The following PRKCZ variants were observed in gnomAD, a reference collection of about 807,000 sequenced individuals.
The protein encoded by PRKCZ is protein kinase C zeta type.
In PRKCZ, 33 loss-of-function variants were observed where a neutral mutation model predicts 79.5. The ratio of observed to expected loss-of-function variants is 0.41; its 90% CI spans 0.31 to 0.55. The LOEUF (loss-of-function observed/expected upper bound fraction) is 0.55. Ranked by LOEUF, PRKCZ falls within the 20% of genes least tolerant of loss-of-function variation. PRKCZ has a pLI of 0.19. For missense variants in PRKCZ, 578 were observed against 813.5 expected (o/e 0.71, Z 3.52); for synonymous variants, 342 against 320.9 (o/e 1.07, Z -0.70).
intron 6 of PRKCZ, among the ~76,000 whole-genome samples, 162 bp from the exon 7 acceptor site, chr1:2,145,865 G>A (rs1017229864): frequency 2.0e-5 from 3 of 152,222 alleles, no homozygotes; most frequent in Admixed American, 6.5e-5. Flanking sequence ...GCAGTGAGCC[G>A]TGATCGCGCC....
Position 2,173,953 on chromosome 1 carries a change from C to T in PRKCZ, c.1342C>T (p.Arg448Cys), listed in dbSNP as rs1011618567. Reference sequence around the variant, plus strand: ...CCTCATGTTTGAGATGATGGCCGGGCGCTCCCCGTTCGACATCATCACCGA... The same window carrying T: ...CCTCATGTTTGAGATGATGGCCGGGTGCTCCCCGTTCGACATCATCACCGA... ...GVLMFEMMAG[R>C]SPFDIITDNP... The change falls in exon 14 of 18, where the codon CGC becomes TGC. Residue 448 changes from arginine (R) to cysteine (C), a missense_variant. Physicochemically the swap from Arg to Cys is radical, Grantham distance 180. This residue lies in a region of PRKCZ where 243 missense variants were observed against 467.0 expected (regional missense o/e 0.52). Transcript: ENST00000378567. This position sits in a 1 kb window ranked among gnomAD's most constrained non-coding sequence, Gnocchi z 5.7. The T allele has an allele frequency of 8.1e-6, 13 of 1,612,582 alleles. No homozygotes were observed. The highest frequency in any genetic ancestry group is 1.1e-5 in the South Asian group (1 of 90,714).
chr1:2,097,405 C>G (rs551724230), intron 4 of PRKCZ, among the ~76,000 whole-genome samples: 1 of 152,304 alleles, frequency 6.6e-6, no homozygotes, highest in Admixed American at 6.5e-5. Context: ...GGAGGTGTGG[C>G]CAGTGCCCCC....
At chr1:2,160,616 G>A (rs1240979710) in intron 10 of PRKCZ, among the ~76,000 whole-genome samples, 1 of 152,176 alleles carries the variant, frequency 6.6e-6, no homozygotes, top group Admixed American at 6.5e-5. Flanking sequence ...TGCTGGTGTT[G>A]GGCAGGCACT....
At position 2,180,261 on chromosome 1, in the gene PRKCZ, G is replaced by A. The variant is rs576972041; in HGVS notation, c.1576-4322G>A. 2.6e-5 allele frequency among the ~76,000 whole-genome samples: 4 copies of A among 152,306 alleles called. No individual in the cohort carries two copies. In the South Asian group the frequency reaches 6.2e-4, roughly 24 times the overall value. ...TGGAGCCTTGAGTGGGTGGATCCTCGGTGGGGCTTTAAGGCCAACCTGTTT... is the reference window on the plus strand; with the variant it reads ...TGGAGCCTTGAGTGGGTGGATCCTCAGTGGGGCTTTAAGGCCAACCTGTTT... On this transcript the variant is annotated intron_variant, in intron 16 of 17. Transcript: ENST00000378567.
At chr1:2,099,961 G>A (rs1266183933) in intron 4 of PRKCZ, among the ~76,000 whole-genome samples, 1 of 152,228 alleles carries the variant, frequency 6.6e-6, no homozygotes, top group East Asian at 1.9e-4. Flanking sequence ...GTGATGAGCT[G>A]CGTCTGTTAG....
At chr1:2,146,523 C>CA (rs764514021) in intron 7 of PRKCZ, among the ~76,000 whole-genome samples, 4 of 152,248 alleles carry the variant, frequency 2.6e-5, no homozygotes, top group Non-Finnish European at 5.9e-5. Flanking sequence ...CTGCTGCACA[C>CA]ACAGCGTGGC....
intron 4 of PRKCZ, among the ~76,000 whole-genome samples, chr1:2,101,412 T>G (rs541527800): frequency 2.1e-4 from 32 of 152,334 alleles, no homozygotes; most frequent in Non-Finnish European, 4.0e-4. Context: ...CTTCCTTTCT[T>G]TCCCTTGACT....
At position 2,125,024 on chromosome 1, in the gene PRKCZ, A is replaced by T. The variant is rs542289557; in HGVS notation, c.335-10238A>T. On this transcript the variant is annotated intron_variant, in intron 4 of 17. Transcript: ENST00000378567. This position sits in a 1 kb window ranked among gnomAD's most constrained non-coding sequence, Gnocchi z 4.2. The stretch of plus-strand genomic sequence containing the variant: ...TTGTGACTCAGCCGCACGTCCTCCC[A>T]GGGGCCTTGCCAGCCTGGCTCTGTG... Among the ~76,000 whole-genome samples, 20 of 152,262 alleles carry T rather than the reference A, an allele frequency of 1.3e-4. No individual in the cohort carries two copies. The highest frequency in any genetic ancestry group is 2.9e-4 in the Non-Finnish European group (20 of 68,022).
intron 9 of PRKCZ, among the ~76,000 whole-genome samples, chr1:2,152,418 A>C (rs780156869): frequency 2.6e-5 from 4 of 152,126 alleles, no homozygotes; most frequent in Non-Finnish European, 4.4e-5. Context: ...CTCTAATCCC[A>C]GCTACTCAGA....
rs960796071 is a variant in PRKCZ at position 2,082,497 on chromosome 1, G to A, written c.334+22906G>A. On this transcript the variant is annotated intron_variant, in intron 4 of 17. Coordinates refer to ENST00000378567, the MANE Select transcript of PRKCZ (RefSeq NM_002744.6). The surrounding 1 kb of genome is among the most constrained non-coding windows in gnomAD (Gnocchi z 4.4). Reference sequence around the variant, plus strand: ...ATCACGTCCGCGTTCCTAGCGACCGGTTTTGTGATGTGGGCAGTGCCGTGC... The same window carrying A: ...ATCACGTCCGCGTTCCTAGCGACCGATTTTGTGATGTGGGCAGTGCCGTGC... 4 of 443,304 alleles carry A rather than the reference G, an allele frequency of 9.0e-6. No homozygotes were observed. Among genetic ancestry groups the A allele is most frequent in the African/African-American group, 4.0e-5 (2 of 49,820 alleles). 27.5% of individuals were successfully genotyped at this position (443,304 alleles called of 1,614,324 possible).
Position 2,174,994 on chromosome 1 carries a change from C to T in PRKCZ, c.1485+161C>T, listed in dbSNP as rs45520343. Among the ~76,000 whole-genome samples, 332 of 152,214 alleles carry T rather than the reference C, an allele frequency of 2.2e-3. 3 individuals carry two copies. Among genetic ancestry groups the T allele is most frequent in the African/African-American group, 7.6e-3 (316 of 41,526 alleles). On this transcript the variant is annotated intron_variant, in intron 15 of 17. Coordinates refer to ENST00000378567, the MANE Select transcript of PRKCZ (RefSeq NM_002744.6). The surrounding 1 kb of genome is among the most constrained non-coding windows in gnomAD (Gnocchi z 6.2). ...TATTTGAGCTCTGTGTTCTGTGAAT[C>T]GTCCGTTTTTACTCACACCTAACAA...
At chr1:2,079,987 G>A (rs376388528) in intron 4 of PRKCZ, among the ~76,000 whole-genome samples, 18 of 152,274 alleles carry the variant, frequency 1.2e-4, no homozygotes, top group African/African-American at 4.1e-4. Context: ...TCTGGGGGTC[G>A]ACTCCTCACT....
intron 4 of PRKCZ, among the ~76,000 whole-genome samples, chr1:2,113,255 A>G (rs1296627663): frequency 1.3e-5 from 2 of 152,166 alleles, no homozygotes; most frequent in Admixed American, 1.3e-4. Context: ...TTAAAAAGGC[A>G]GCCGCCCCGT....
intron 4 of PRKCZ, among the ~76,000 whole-genome samples, chr1:2,131,047 C>T (rs1674856923): frequency 6.6e-6 from 1 of 152,218 alleles, no homozygotes; most frequent in South Asian, 2.1e-4. Flanking sequence ...CCATCATGGG[C>T]TCGGACCTTC....
At chr1:2,048,653 A>G (rs755606998), upstream of PRKCZ, among the ~76,000 whole-genome samples, 5 of 152,182 alleles carry the variant, frequency 3.3e-5, 1 homozygote, top group Non-Finnish European at 7.4e-5. Context: ...TGAGAGGCTC[A>G]TTAGGAGGAT....
chr1:2,133,005 G>T (rs1385191753), intron 4 of PRKCZ, among the ~76,000 whole-genome samples: 1 of 152,226 alleles, frequency 6.6e-6, no homozygotes, highest in East Asian at 1.9e-4. Flanking sequence ...GTCCCGGCGG[G>T]GACTGGGGAC....
intron 10 of PRKCZ, among the ~76,000 whole-genome samples, chr1:2,158,850 C>A (rs920135653): frequency 2.0e-5 from 3 of 152,166 alleles, no homozygotes; most frequent in Non-Finnish European, 1.5e-5. Flanking sequence ...GGGATCCCCG[C>A]AGCGGCACCA....
In PRKCZ at chr1:2,082,533, T is replaced by A. The variant is rs1433207809; in HGVS notation, c.334+22942T>A. 4.0e-5 allele frequency: 16 copies of A among 400,810 alleles called. No homozygotes were observed. Among genetic ancestry groups the A allele is most frequent in the Non-Finnish European group, 6.5e-5 (13 of 199,856 alleles). The allele number at this position is 400,810 out of a possible 1,614,324, so 24.8% of individuals were successfully genotyped here. A position where few individuals can be genotyped will look rare whatever the true frequency, so the allele number is the denominator to read the frequency against. On this transcript the variant is annotated intron_variant, in intron 4 of 17. Transcript: ENST00000378567. The surrounding 1 kb of genome is among the most constrained non-coding windows in gnomAD (Gnocchi z 4.4). ...TGGGCAGTGCCGTGCTGGTAAATGC[T>A]CTGTGAGGAAGGAACGATGGTGGGA...
intron 4 of PRKCZ, among the ~76,000 whole-genome samples, chr1:2,060,553 C>T (rs935114366): frequency 1.3e-5 from 2 of 152,052 alleles, no homozygotes; most frequent in South Asian, 4.2e-4. Context: ...CAGCGCTTAG[C>T]GTAGGGGAGG....
Sources: allele counts gnomAD v4.1 joint callset (sites outside exome capture counted in the v4.1 genomes callset), GRCh38; gene constraint gnomAD v4.1.1; regional missense constraint gnomAD v4.1.1; non-coding constraint Gnocchi (gnomAD v3.1); transcripts MANE v1.5; gene names NCBI Gene and HGNC (gene_info 2026-07-23, HGNC 2026-07-21).